ZDHHC7: variants seen among roughly 807,000 people sequenced by gnomAD.
ZDHHC7 encodes palmitoyltransferase ZDHHC7.
Under a neutral mutation model 34.1 loss-of-function variants are expected in ZDHHC7, and 12 were observed. That is an observed-to-expected ratio of 0.35 (90% CI 0.23 to 0.57). The LOEUF (loss-of-function observed/expected upper bound fraction) is 0.57, where lower values mean the gene tolerates loss of function less well. Among genes scored for constraint, ZDHHC7 ranks in the 20% least tolerant of loss-of-function variants. The pLI is 0.84. For missense variants in ZDHHC7, 388 were observed against 402.7 expected, an observed-to-expected ratio of 0.96 and a Z score of 0.31; for synonymous variants, 185 against 155.4, an observed-to-expected ratio of 1.19 and a Z score of -1.42.
At chr16:85,000,066 G>A (rs1024652475) in intron 1 of ZDHHC7, among the ~76,000 whole-genome samples, 13 of 152,110 alleles carry the variant, frequency 8.5e-5, no homozygotes, top group South Asian at 2.1e-4. Flanking sequence ...CTTGAGTCTC[G>A]GAGGTCGAGG....
rs150227066 is a variant in ZDHHC7, at chr16:84,976,384, G to A, written c.886C>T (p.Pro296Ser). The A allele has an allele frequency of 1.2e-5, 19 of 1,614,008 alleles. No homozygotes were observed. The highest frequency in any genetic ancestry group is 1.4e-5 in the Non-Finnish European group (17 of 1,180,024). Residue 296 changes from proline to serine, a missense_variant, in exon 8 of 8, where the codon CCC becomes TCC. Transcript: ENST00000313732. ...PFVGFRFRRL[P>S]TRPRKGGPEF... Reference sequence around the variant, plus strand: ...GGGCCACCTTTTCTGGGTCTCGTGGGCAGTCGCCTAAATCGGAAGCCCACA... The same window carrying A: ...GGGCCACCTTTTCTGGGTCTCGTGGACAGTCGCCTAAATCGGAAGCCCACA...
chr16:84,992,260 A>G (rs965609685), intron 2 of ZDHHC7, among the ~76,000 whole-genome samples: 1 of 151,882 alleles, frequency 6.6e-6, no homozygotes, highest in Non-Finnish European at 1.5e-5. Flanking sequence ...ACGAGGTTAC[A>G]AGTTCAAGAC....
chr16:85,008,932 C>T (rs1163753980), intron 1 of ZDHHC7, among the ~76,000 whole-genome samples: 1 of 151,584 alleles, frequency 6.6e-6, no homozygotes, highest in Non-Finnish European at 1.5e-5. Flanking sequence ...GTAATCCCAG[C>T]TACTCGGGAG....
chr16:84,988,297 T>C (rs1245299864), intron 3 of ZDHHC7, among the ~76,000 whole-genome samples: 4 of 152,046 alleles, frequency 2.6e-5, no homozygotes, highest in African/African-American at 9.7e-5. Context: ...TGGGGTTCCT[T>C]TCTGAGGTGA....
intron 1 of ZDHHC7, among the ~76,000 whole-genome samples, chr16:85,006,045 C>T (rs966129787): frequency 4.6e-5 from 7 of 152,226 alleles, no homozygotes; most frequent in Non-Finnish European, 7.3e-5. Context: ...TGACTCTCCA[C>T]ATGGCTGCAG....
At chr16:84,997,693 G>C (rs930295461) in intron 1 of ZDHHC7, among the ~76,000 whole-genome samples, 3 of 150,376 alleles carry the variant, frequency 2.0e-5, no homozygotes, top group Non-Finnish European at 4.4e-5. Context: ...AGGAGATCGA[G>C]ACCATCCTGG....
At chr16:85,013,368 G>C (rs531295948), upstream of ZDHHC7, among the ~76,000 whole-genome samples, 1 of 151,466 alleles carries the variant, frequency 6.6e-6, no homozygotes, top group Non-Finnish European at 1.5e-5. Flanking sequence ...TCAACCTCCT[G>C]AGTAGCTGGA....
upstream of ZDHHC7, among the ~76,000 whole-genome samples, chr16:85,013,827 A>C (rs2072823241): frequency 6.6e-6 from 1 of 152,058 alleles, no homozygotes; most frequent in African/African-American, 2.4e-5. Flanking sequence ...AGCTGGGATT[A>C]CAGGCACCCA....
At chr16:85,007,700 G>A (rs942978992) in intron 1 of ZDHHC7, among the ~76,000 whole-genome samples, 1 of 152,008 alleles carries the variant, frequency 6.6e-6, no homozygotes, top group Non-Finnish European at 1.5e-5. Flanking sequence ...TTAGTTAAAA[G>A]GGAACTAAGG....
upstream of ZDHHC7, among the ~76,000 whole-genome samples, chr16:85,013,302 G>T (rs1042668057): frequency 3.3e-5 from 5 of 152,094 alleles, no homozygotes; most frequent in Non-Finnish European, 7.4e-5. Context: ...GAGTGCAGTG[G>T]TGCAATCTCA....
At chr16:84,981,633 G>A (rs961923881) in intron 4 of ZDHHC7, among the ~76,000 whole-genome samples, 3 of 152,226 alleles carry the variant, frequency 2.0e-5, no homozygotes, top group African/African-American at 4.8e-5. Flanking sequence ...CCCTCGGGAA[G>A]GAGGGGATCC....
chr16:85,022,159 C>CA, the ZDHHC7 span, among the ~76,000 whole-genome samples: 492 of 114,284 alleles, frequency 4.3e-3, 1 homozygote, highest in Middle Eastern at 0.013. Flanking sequence ...AACTCTGTCT[C>CA]AAAAAAAAAA....
At chr16:84,976,552 C>T in intron 7 of ZDHHC7, 33 bp from the exon 8 acceptor site, 1 of 1,603,784 alleles carries the variant, frequency 6.2e-7, no homozygotes, top group African/African-American at 1.3e-5. Flanking sequence ...GTGGCAGCGG[C>T]TCCAGGAAGC....
At chr16:85,013,186 G>T (rs2072816354), upstream of ZDHHC7, among the ~76,000 whole-genome samples, 1 of 152,124 alleles carries the variant, frequency 6.6e-6, no homozygotes, top group East Asian at 1.9e-4. Flanking sequence ...ACTTTTGGAA[G>T]CTCAAAACTC....
chr16:84,977,370 T>C (rs2072312016), intron 6 of ZDHHC7, 145 bp from the exon 7 acceptor site: 1 of 1,072,446 alleles, frequency 9.3e-7, no homozygotes, highest in Admixed American at 2.6e-5. Flanking sequence ...ACATTCATTG[T>C]TCTCCAAGGA....
chr16:85,025,449 G>A, the ZDHHC7 span, among the ~76,000 whole-genome samples: 2 of 151,696 alleles, frequency 1.3e-5, no homozygotes, highest in African/African-American at 2.4e-5. Flanking sequence ...TCACTCCGTC[G>A]ACAGGCTGGA....
At chr16:84,977,837 G>T in intron 6 of ZDHHC7, 87 bp downstream of exon 6, 4 of 1,061,486 alleles carry the variant, frequency 3.8e-6, no homozygotes, top group African/African-American at 1.6e-5. Context: ...CTTCAAAATT[G>T]GAAAACTGGT....
chr16:84,984,662 T>C (rs940765974), intron 3 of ZDHHC7, among the ~76,000 whole-genome samples: 4 of 152,176 alleles, frequency 2.6e-5, no homozygotes, highest in African/African-American at 9.7e-5. Flanking sequence ...CCTGAGACTA[T>C]GTGGGATTTC....
At position 84,978,015 on chromosome 16, in the gene ZDHHC7, G is replaced by T; in HGVS notation, c.538-10C>A. 2 of 1,596,132 alleles carry T rather than the reference G, an allele frequency of 1.3e-6. No homozygotes were observed. Among genetic ancestry groups the T allele is most frequent in the Admixed American group, 1.7e-5 (1 of 58,346 alleles). On this transcript the variant is annotated splice_polypyrimidine_tract_variant and intron_variant, in intron 5 of 7. Coordinates refer to ENST00000313732, the MANE Select transcript of ZDHHC7 (RefSeq NM_017740.3). ...ACAGAGCTATATACATCTAGAATGA[G>T]GGGGAGATTGGTTAGTCACTTTTAT...
Sources: gnomAD v4.1 joint callset for allele counts (sites outside exome capture counted in the v4.1 genomes callset) on GRCh38, gnomAD v4.1.1 for gene constraint, MANE v1.5 for transcripts, NCBI Gene and HGNC (gene_info 2026-07-23, HGNC 2026-07-21) for gene names.